STAG1: variants seen among roughly 807,000 people sequenced by gnomAD.
The protein encoded by STAG1 is cohesin subunit SA-1.
Under a neutral mutation model 170.9 loss-of-function variants are expected in STAG1, and 26 were observed. That is an observed-to-expected ratio of 0.15 (90% CI 0.11 to 0.21). The LOEUF (loss-of-function observed/expected upper bound fraction) is 0.21. STAG1 is among the 10% of genes least tolerant of loss of function. The pLI, the probability that STAG1 is intolerant of heterozygous loss-of-function variation, is 1.00. For missense variants in STAG1, 964 were observed against 1,509.5 expected (o/e 0.64, Z 5.99); for synonymous variants, 514 against 497.7 (o/e 1.03, Z -0.44).
intron 1 of STAG1, among the ~76,000 whole-genome samples, chr3:136,671,276 A>C (rs572294707): frequency 6.6e-6 from 1 of 151,990 alleles, no homozygotes; most frequent in East Asian, 1.9e-4. Context: ...AGAGCGAGAC[A>C]CCATCTCAAA....
At chr3:136,424,177 T>C (rs1340509494) in intron 16 of STAG1, among the ~76,000 whole-genome samples, 2 of 152,176 alleles carry the variant, frequency 1.3e-5, no homozygotes, top group Non-Finnish European at 2.9e-5. Context: ...TACCAACTAC[T>C]GTGTTTACCT....
chr3:136,468,962 C>T (rs371892363), intron 12 of STAG1, among the ~76,000 whole-genome samples: 2 of 152,174 alleles, frequency 1.3e-5, no homozygotes, highest in South Asian at 2.1e-4. Flanking sequence ...ACTCTCAATA[C>T]ATTAGGTATT....
intron 6 of STAG1, among the ~76,000 whole-genome samples, chr3:136,523,180 C>T (rs963493650): frequency 1.3e-5 from 2 of 152,146 alleles, no homozygotes; most frequent in Non-Finnish European, 2.9e-5. Context: ...TTTACAGTCC[C>T]AACAACAGTG....
At position 136,620,929 on chromosome 3, in the gene STAG1, A is replaced by G. The variant is rs183744682; in HGVS notation, c.132+2217T>C. ...TGGGTACACAGACTTCTTTTCATCA[A>G]AAAAGCACAACATTGGTGAAACCCC... On this transcript the variant is annotated intron_variant, in intron 3 of 33. Transcript: ENST00000383202. 3.9e-5 allele frequency among the ~76,000 whole-genome samples: 6 copies of G among 152,264 alleles called. 1 individual carries two copies. In the East Asian group the frequency reaches 7.7e-4, roughly 20 times the overall value.
At chr3:136,701,245 C>T (rs1943050919) in intron 1 of STAG1, among the ~76,000 whole-genome samples, 2 of 152,198 alleles carry the variant, frequency 1.3e-5, no homozygotes, top group South Asian at 2.1e-4. Flanking sequence ...CTTCAGAAAA[C>T]TCTGAATATT....
intron 1 of STAG1, among the ~76,000 whole-genome samples, chr3:136,640,515 C>T (rs1446399745): frequency 1.3e-5 from 2 of 151,646 alleles, no homozygotes; most frequent in East Asian, 1.9e-4. Flanking sequence ...ATTACAGGTG[C>T]CCGCCACCAT....
chr3:136,377,726 C>T lies in STAG1; in HGVS notation c.2304G>A (p.Thr768=), dbSNP rs146856886. 12 of 1,613,846 alleles carry T rather than the reference C, an allele frequency of 7.4e-6. No homozygotes were observed. Among genetic ancestry groups the T allele is most frequent in the Middle Eastern group, 1.6e-4 (1 of 6,080 alleles). ...GGCAAACAGCCAAAAAGGATTTCACCGTTTTCCTCAATACCAACAAATCCT... is the reference window on the plus strand; with the variant it reads ...GGCAAACAGCCAAAAAGGATTTCACTGTTTTCCTCAATACCAACAAATCCT... The part of the protein sequence containing the change: ...SKEDLLVLRK[T]VKSFLAVCQQ... Residue 768 remains threonine (T), a synonymous_variant, in exon 23 of 34, where the codon ACG becomes ACA. Coordinates refer to ENST00000383202, the MANE Select transcript of STAG1 (RefSeq NM_005862.3).
intron 1 of STAG1, among the ~76,000 whole-genome samples, chr3:136,685,873 T>C (rs1275835495): frequency 6.6e-6 from 1 of 152,072 alleles, no homozygotes; most frequent in East Asian, 1.9e-4. Context: ...GAAGTGCAAC[T>C]TGGAACAAAC....
At chr3:136,645,271 C>T (rs1006974952) in intron 1 of STAG1, among the ~76,000 whole-genome samples, 5 of 152,180 alleles carry the variant, frequency 3.3e-5, no homozygotes, top group Admixed American at 6.5e-5. Flanking sequence ...TATCTTTATG[C>T]GAGAACTGTG....
intron 27 of STAG1, among the ~76,000 whole-genome samples, chr3:136,358,259 A>AT (rs1576386300): frequency 6.6e-6 from 1 of 151,864 alleles, no homozygotes; most frequent in Non-Finnish European, 1.5e-5. Context: ...TAATTTTTGC[A>AT]TTTTTTGTAG....
At chr3:136,602,813 C>G (rs1254274448) in intron 4 of STAG1, among the ~76,000 whole-genome samples, 1 of 152,022 alleles carries the variant, frequency 6.6e-6, no homozygotes, top group African/African-American at 2.4e-5. Context: ...GCACTCCAAC[C>G]TGGGCAATGG....
intron 1 of STAG1, among the ~76,000 whole-genome samples, chr3:136,698,522 G>T (rs939065424): frequency 6.6e-6 from 1 of 152,090 alleles, no homozygotes; most frequent in Non-Finnish European, 1.5e-5. Context: ...GTGGTAAAAA[G>T]GCAACATTTT....
chr3:136,463,400 T>TG (rs927115953), intron 13 of STAG1, among the ~76,000 whole-genome samples: 16 of 152,148 alleles, frequency 1.1e-4, no homozygotes, highest in African/African-American at 3.9e-4. Context: ...GCACAACAGT[T>TG]GCCTAGTCCA....
intron 21 of STAG1, among the ~76,000 whole-genome samples, chr3:136,413,515 A>G (rs2087688175): frequency 6.6e-6 from 1 of 151,666 alleles, no homozygotes; most frequent in African/African-American, 2.4e-5. Context: ...CTGGAGTGCA[A>G]TGGCGTGATC....
chr3:136,703,294 A>G (rs1266911864), intron 1 of STAG1, among the ~76,000 whole-genome samples: 2 of 152,202 alleles, frequency 1.3e-5, no homozygotes, highest in Admixed American at 1.3e-4. Flanking sequence ...TCTATATTCC[A>G]TGTAGCAGCT....
At chr3:136,469,413 A>G (rs1477678164) in intron 12 of STAG1, among the ~76,000 whole-genome samples, 1 of 152,188 alleles carries the variant, frequency 6.6e-6, no homozygotes, top group Non-Finnish European at 1.5e-5. Context: ...AATACCTAGG[A>G]ATCCAACTTA....
chr3:136,499,558 A>G (rs1225783196), intron 9 of STAG1, among the ~76,000 whole-genome samples: 2 of 152,162 alleles, frequency 1.3e-5, no homozygotes, highest in African/African-American at 4.8e-5. Flanking sequence ...ATCACATCTA[A>G]TCAACAGAAG....
At chr3:136,460,833 T>C (rs374462549) in intron 13 of STAG1, among the ~76,000 whole-genome samples, 8 of 152,132 alleles carry the variant, frequency 5.3e-5, no homozygotes, top group Non-Finnish European at 8.8e-5. Context: ...AAGGTCAGCA[T>C]CACCCTGATG....
intron 22 of STAG1, among the ~76,000 whole-genome samples, chr3:136,379,210 C>G (rs567586874): frequency 5.9e-5 from 9 of 152,178 alleles, no homozygotes; most frequent in African/African-American, 2.2e-4. Flanking sequence ...CTGAGGGAAA[C>G]AGATAAGAGA....
Sources: gnomAD v4.1 joint callset for allele counts (sites outside exome capture counted in the v4.1 genomes callset) on GRCh38, gnomAD v4.1.1 for gene constraint, MANE v1.5 for transcripts, NCBI Gene and HGNC (gene_info 2026-07-23, HGNC 2026-07-21) for gene names.